RASAL2: variants seen among roughly 807,000 people sequenced by gnomAD.
RASAL2 encodes the protein ras GTPase-activating protein nGAP.
Under a neutral mutation model 128.9 loss-of-function variants are expected in RASAL2, and 58 were observed. The ratio of observed to expected loss-of-function variants is 0.45; its 90% CI spans 0.36 to 0.56. The LOEUF is 0.56. RASAL2 is among the 20% of genes least tolerant of loss of function. The pLI, the probability that RASAL2 is intolerant of heterozygous loss-of-function variation, is 0.00. For missense variants in RASAL2, 1,360 were observed against 1,601.6 expected, an observed-to-expected ratio of 0.85 and a Z score of 2.57; for synonymous variants, 561 against 580.8, an observed-to-expected ratio of 0.97 and a Z score of 0.49.
chr1:178,147,578 A>G (rs937606324), intron 1 of RASAL2, among the ~76,000 whole-genome samples: 5 of 152,142 alleles, frequency 3.3e-5, no homozygotes, highest in South Asian at 4.1e-4. Context: ...TAAAATATAT[A>G]TGAGCACACA....
chr1:178,414,508 C>G (rs1446612364), intron 4 of RASAL2, among the ~76,000 whole-genome samples: 1 of 152,002 alleles, frequency 6.6e-6, no homozygotes, highest in East Asian at 1.9e-4. Context: ...GACAAATATT[C>G]CAGTTTGGTA....
intron 2 of RASAL2, among the ~76,000 whole-genome samples, chr1:178,290,437 G>A (rs1667226083): frequency 6.6e-6 from 1 of 152,110 alleles, no homozygotes; most frequent in African/African-American, 2.4e-5. Flanking sequence ...CTTTTCCACA[G>A]TTGAATACAT....
At position 178,287,720 on chromosome 1, in the gene RASAL2, A is replaced by G. The variant is rs1377655653; in HGVS notation, c.330+4029A>G. Among the ~76,000 whole-genome samples the G allele has an allele frequency of 2.0e-5, 3 of 152,212 alleles. No homozygotes were observed. The East Asian group carries it at 5.8e-4, about 29-fold the overall frequency. On this transcript the variant is annotated intron_variant, in intron 2 of 17. Transcript: ENST00000367649. ...AAACTGGAAGAAACTGGAGACCATT[A>G]TTCTATGAAGTAACTCAGGAATGGA...
intron 3 of RASAL2, among the ~76,000 whole-genome samples, chr1:178,317,296 G>T (rs1380180729): frequency 1.4e-5 from 2 of 145,432 alleles, no homozygotes; most frequent in Non-Finnish European, 3.0e-5. Flanking sequence ...TCAGAATGAT[G>T]CTGGCCTCAT....
At chr1:178,314,806 T>A (rs865934309) in intron 3 of RASAL2, among the ~76,000 whole-genome samples, 26 of 152,074 alleles carry the variant, frequency 1.7e-4, no homozygotes, top group Non-Finnish European at 2.6e-4. Flanking sequence ...TTTTTTATTA[T>A]ACTTTAAGTT....
At chr1:178,212,315 A>G (rs147988802) in intron 1 of RASAL2, among the ~76,000 whole-genome samples, 3 of 152,352 alleles carry the variant, frequency 2.0e-5, no homozygotes, top group African/African-American at 7.2e-5. Flanking sequence ...GAACTATAAC[A>G]AGCATAAATA....
intron 1 of RASAL2, among the ~76,000 whole-genome samples, chr1:178,134,457 CAA>C (rs59410623): frequency 0.014 from 1,523 of 111,392 alleles, 19 homozygotes; most frequent in Non-Finnish European, 0.019. Context: ...GACCCTATCT[CAA>C]AAAAAAAAAA....
Position 178,414,633 on chromosome 1 carries a change from G to A in RASAL2, c.565-5878G>A, listed in dbSNP as rs142938107. Among the ~76,000 whole-genome samples the A allele has an allele frequency of 3.3e-5, 5 of 152,182 alleles. No homozygotes were observed. In the East Asian group the frequency reaches 9.7e-4, roughly 29 times the overall value. On this transcript the variant is annotated intron_variant, in intron 4 of 17. Coordinates refer to ENST00000367649, the MANE Select transcript of RASAL2 (RefSeq NM_170692.4). ...ATCTAGAACTAAGTTAAGAAGTATT[G>A]TCTCTGCTTCTATCTTCTATCTTCT...
At chr1:178,303,380 C>T (rs748478027) in intron 3 of RASAL2, among the ~76,000 whole-genome samples, 3 of 152,002 alleles carry the variant, frequency 2.0e-5, no homozygotes, top group Admixed American at 6.6e-5. Flanking sequence ...CCAATCTTTT[C>T]GCTTTCCTGG....
intron 3 of RASAL2, among the ~76,000 whole-genome samples, chr1:178,355,944 G>A (rs1670781815): frequency 6.6e-6 from 1 of 152,190 alleles, no homozygotes; most frequent in African/African-American, 2.4e-5. Context: ...GCCGAGGCAG[G>A]TGGATTACGA....
intron 3 of RASAL2, among the ~76,000 whole-genome samples, chr1:178,332,115 T>G (rs994636293): frequency 6.6e-6 from 1 of 152,200 alleles, no homozygotes; most frequent in Admixed American, 6.5e-5. Context: ...GATTATGATT[T>G]TAATTATGCA....
At chr1:178,167,030 G>GGTTATTA (rs1465292973) in intron 1 of RASAL2, among the ~76,000 whole-genome samples, 1 of 152,014 alleles carries the variant, frequency 6.6e-6, no homozygotes, top group Non-Finnish European at 1.5e-5. Context: ...CTCTGAGGAA[G>GGTTATTA]GTTATTACTC....
intron 3 of RASAL2, among the ~76,000 whole-genome samples, chr1:178,336,229 C>G (rs546564629): frequency 3.0e-4 from 45 of 150,554 alleles, no homozygotes; most frequent in African/African-American, 1.1e-3. Flanking sequence ...TAGAGTTCTA[C>G]TGGATTTTGG....
rs1053596267 is a variant in RASAL2, at chr1:178,216,613, G to A, written c.203-66951G>A. Among the ~76,000 whole-genome samples the A allele has an allele frequency of 2.0e-5, 3 of 152,148 alleles. No homozygotes were observed. The South Asian group carries it at 6.2e-4, about 32-fold the overall frequency. ...TTTTTTGGTTGCCGAATTCAGGATAGCTAATTTAAATAATTATATTGGTTA... is the reference window on the plus strand; with the variant it reads ...TTTTTTGGTTGCCGAATTCAGGATAACTAATTTAAATAATTATATTGGTTA... On this transcript the variant is annotated intron_variant, in intron 1 of 17. Transcript: ENST00000367649.
At chr1:178,254,501 G>C (rs1257991655) in intron 1 of RASAL2, among the ~76,000 whole-genome samples, 1 of 152,044 alleles carries the variant, frequency 6.6e-6, no homozygotes, top group East Asian at 1.9e-4. Flanking sequence ...GGTCATAAAG[G>C]CATACAATAA....
intron 3 of RASAL2, among the ~76,000 whole-genome samples, chr1:178,327,694 A>G (rs1352548041): frequency 6.6e-6 from 1 of 152,320 alleles, no homozygotes; most frequent in Admixed American, 6.5e-5. Flanking sequence ...GCAGAAAGAC[A>G]ACCTTGTTAG....
intron 1 of RASAL2, among the ~76,000 whole-genome samples, chr1:178,199,388 T>A (rs760592871): frequency 9.2e-5 from 14 of 152,210 alleles, no homozygotes; most frequent in African/African-American, 2.4e-5. Context: ...TCTACGTTGA[T>A]CATGCTAGGA....
intron 3 of RASAL2, among the ~76,000 whole-genome samples, chr1:178,348,770 T>C (rs190970468): frequency 6.6e-6 from 1 of 151,458 alleles, no homozygotes; most frequent in Admixed American, 6.6e-5. Context: ...ATGGAGAATG[T>C]GAGCAGGACA....
At position 178,454,644 on chromosome 1, in the gene RASAL2, A is replaced by T; in HGVS notation, c.2207A>T (p.Asp736Val). The T allele has an allele frequency of 6.2e-7, 1 of 1,613,314 alleles. No individual in the cohort carries two copies. Among genetic ancestry groups the T allele is most frequent in the Non-Finnish European group, 8.5e-7 (1 of 1,179,372 alleles). ...CTGTGGGAAGTAGTTTCCCAACTTGATAAGGTAAAGTAGGTTGGTGGAAGA... is the reference window on the plus strand; with the variant it reads ...CTGTGGGAAGTAGTTTCCCAACTTGTTAAGGTAAAGTAGGTTGGTGGAAGA... The part of the protein sequence containing the change: ...SLLWEVVSQL[D>V]KATVAKLGPL... Residue 736 changes from aspartate (D) to valine (V), a missense_variant, in exon 12 of 18, where the codon GAT (aspartate) becomes GTT (valine). By Grantham distance (152) the Asp-to-Val change is radical. Around this residue, in one of 3 missense-constraint regions of RASAL2, gnomAD observed 741 missense variants for 868.6 expected, o/e 0.85. Coordinates refer to ENST00000367649, the MANE Select transcript of RASAL2 (RefSeq NM_170692.4).
Sources: allele counts gnomAD v4.1 joint callset (sites outside exome capture counted in the v4.1 genomes callset), GRCh38; gene constraint gnomAD v4.1.1; regional missense constraint gnomAD v4.1.1; transcripts MANE v1.5; gene names NCBI Gene and HGNC (gene_info 2026-07-23, HGNC 2026-07-21).